The following DMRT1 variants were observed in gnomAD, a reference collection of about 807,000 sequenced individuals.
The protein encoded by DMRT1 is doublesex- and mab-3-related transcription factor 1.
A neutral mutation model predicts 32.3 loss-of-function variants in DMRT1; 7 were observed. That is an observed-to-expected ratio of 0.22 (90% CI 0.12 to 0.41). DMRT1 has a LOEUF of 0.41. Ranked by LOEUF, DMRT1 falls within the 10% of genes least tolerant of loss-of-function variation. DMRT1 has a pLI of 1.00. For missense variants in DMRT1, 625 were observed against 500.5 expected (o/e 1.25, Z -2.37); for synonymous variants, 278 against 206.1 (o/e 1.35, Z -2.99).
chr9:922,661 C>G (rs1225681591), intron 4 of DMRT1, among the ~76,000 whole-genome samples: 1 of 152,184 alleles, frequency 6.6e-6, no homozygotes, highest in African/African-American at 2.4e-5. Flanking sequence ...ATTTTGTGAT[C>G]TCGGTTTAAA....
intron 4 of DMRT1, among the ~76,000 whole-genome samples, chr9:924,487 G>T (rs1818459404): frequency 2.0e-5 from 3 of 152,142 alleles, no homozygotes; most frequent in African/African-American, 7.2e-5. Flanking sequence ...GGCAGAATCT[G>T]TCATCTCTCA....
chr9:882,581 A>G lies in DMRT1; in HGVS notation c.539-11331A>G, dbSNP rs984627242. ...AACACTTTGGGAGTTGCTGCACACA[A>G]TGGATGGGCTTTGACACTCTGGGCT... On this transcript the variant is annotated intron_variant, in intron 2 of 4. Transcript: ENST00000382276. Among the ~76,000 whole-genome samples, 5 of 152,038 alleles carry G rather than the reference A, an allele frequency of 3.3e-5. No individual in the cohort carries two copies. In the South Asian group the frequency reaches 1.0e-3, roughly 32 times the overall value.
chr9:961,132 C>T (rs1819758177), intron 4 of DMRT1, among the ~76,000 whole-genome samples: 1 of 152,160 alleles, frequency 6.6e-6, no homozygotes, highest in South Asian at 2.1e-4. Flanking sequence ...GACAGCCCAC[C>T]TCCGGAGCCC....
intron 2 of DMRT1, among the ~76,000 whole-genome samples, chr9:863,688 C>A (rs375893158): frequency 1.3e-5 from 2 of 152,228 alleles, no homozygotes; most frequent in Non-Finnish European, 2.9e-5. Context: ...ACCCACAGAA[C>A]TCTAAGATAG....
intron 4 of DMRT1, among the ~76,000 whole-genome samples, chr9:943,093 T>C (rs1189448751): frequency 6.6e-6 from 1 of 152,200 alleles, no homozygotes; most frequent in Non-Finnish European, 1.5e-5. Context: ...ATTTGCGTTT[T>C]GATAGCATAT....
intron 2 of DMRT1, among the ~76,000 whole-genome samples, chr9:875,360 G>A (rs993954989): frequency 3.3e-5 from 5 of 152,062 alleles, no homozygotes; most frequent in Admixed American, 2.6e-4. Flanking sequence ...CCCAGACCTG[G>A]GCCCGACAGC....
chr9:953,186 A>G (rs1819485114), intron 4 of DMRT1, among the ~76,000 whole-genome samples: 2 of 152,328 alleles, frequency 1.3e-5, no homozygotes, highest in Non-Finnish European at 2.9e-5. Flanking sequence ...CAGTCAATTA[A>G]TAATGAAAGT....
chr9:862,095 G>A (rs1258070156), intron 2 of DMRT1, among the ~76,000 whole-genome samples: 3 of 130,632 alleles, frequency 2.3e-5, no homozygotes, highest in Non-Finnish European at 5.5e-5. Flanking sequence ...CTTCCTAGAC[G>A]GGGTGGCGGC....
intron 4 of DMRT1, among the ~76,000 whole-genome samples, chr9:940,172 C>A (rs1429384734): frequency 6.6e-6 from 1 of 151,964 alleles, no homozygotes; most frequent in Non-Finnish European, 1.5e-5. Context: ...AAAAACTTAA[C>A]CATAAAATTA....
At chr9:886,403 G>C (rs918092995) in intron 2 of DMRT1, among the ~76,000 whole-genome samples, 15 of 152,106 alleles carry the variant, frequency 9.9e-5, no homozygotes, top group Admixed American at 6.6e-4. Context: ...CTACAGGCAC[G>C]GGCCAGATAC....
chr9:926,567 T>G (rs984112864), intron 4 of DMRT1, among the ~76,000 whole-genome samples: 1 of 152,222 alleles, frequency 6.6e-6, no homozygotes, highest in African/African-American at 2.4e-5. Flanking sequence ...GTCAGCAGCT[T>G]ATCATGAGAT....
intron 3 of DMRT1, among the ~76,000 whole-genome samples, chr9:902,000 C>T (rs934843166): frequency 6.6e-6 from 1 of 150,590 alleles, no homozygotes; most frequent in Non-Finnish European, 1.5e-5. Flanking sequence ...GCAACCTCCT[C>T]CCTAGTTCAA....
At chr9:895,012 A>C (rs907420556) in intron 3 of DMRT1, 1 of 152,056 alleles carries the variant, frequency 6.6e-6, no homozygotes. Context: ...ATGGGGTTTC[A>C]CCATGTTGAC....
At chr9:936,879 A>G (rs979651057) in intron 4 of DMRT1, among the ~76,000 whole-genome samples, 1 of 152,202 alleles carries the variant, frequency 6.6e-6, no homozygotes, top group African/African-American at 2.4e-5. Flanking sequence ...ATTTTTAAGC[A>G]TACAATTCAG....
Position 842,086 on chromosome 9 carries a change from G to T in DMRT1, c.248G>T (p.Gly83Val). The change falls in exon 1 of 5, where the codon GGC becomes GTC. Residue 83 changes from glycine to valine, a missense_variant. Gly to Val is a moderately radical substitution (Grantham distance 109). Around this residue, in one of 3 missense-constraint regions of DMRT1, gnomAD observed 201 missense variants for 152.0 expected, o/e 1.32. Transcript: ENST00000382276. ...LPKCARCRNH[G>V]YASPLKGHKR... is the part of the protein sequence containing the mutation. ...AAGTGCGCACGCTGCAGGAACCACG[G>T]CTACGCCTCGCCGCTCAAGGGCCAC... 6.5e-7 allele frequency: 1 copy of T among 1,546,082 alleles called. No homozygotes were observed. The highest frequency in any genetic ancestry group is 2.4e-5 in the East Asian group (1 of 41,238).
chr9:890,592 C>G (rs900220027), intron 2 of DMRT1, among the ~76,000 whole-genome samples: 1 of 152,128 alleles, frequency 6.6e-6, no homozygotes. Flanking sequence ...TTTTTGTTTT[C>G]CCACACACTC....
chr9:850,307 G>A (rs1371930915), intron 2 of DMRT1, among the ~76,000 whole-genome samples: 15 of 152,114 alleles, frequency 9.9e-5, no homozygotes, highest in Non-Finnish European at 1.5e-5. Flanking sequence ...ACAGAAAGAT[G>A]GAGTGTGGGA....
chr9:852,257 C>G (rs1223581769), intron 2 of DMRT1, among the ~76,000 whole-genome samples: 5 of 148,246 alleles, frequency 3.4e-5, no homozygotes, highest in Non-Finnish European at 5.9e-5. Context: ...TATTGATAAG[C>G]AAATAGTTTA....
In DMRT1 at chr9:967,473, C is replaced by G. The variant is rs147016003; in HGVS notation, c.968-512C>G. 1.5e-4 allele frequency among the ~76,000 whole-genome samples: 23 copies of G among 152,326 alleles called. No individual in the cohort carries two copies. The East Asian group carries it at 3.1e-3, about 20-fold the overall frequency. On this transcript the variant is annotated intron_variant, in intron 4 of 4. Transcript: ENST00000382276. ...GTATGCTGACATCCCTTTCCCCCGT[C>G]TTTGTCCTGTTATGCCAAGAGAAAT...
Sources: allele counts gnomAD v4.1 joint callset (sites outside exome capture counted in the v4.1 genomes callset), GRCh38; gene constraint gnomAD v4.1.1; regional missense constraint gnomAD v4.1.1; transcripts MANE v1.5; gene names NCBI Gene and HGNC (gene_info 2026-07-23, HGNC 2026-07-21).